DCHS2: variants seen among roughly 807,000 people sequenced by gnomAD.
DCHS2 encodes dachsous cadherin-related 2, also known as protocadherin-23.
Under a neutral mutation model 182.4 loss-of-function variants are expected in DCHS2, and 142 were observed. That is an observed-to-expected ratio of 0.78 (90% CI 0.68 to 0.89). The LOEUF is 0.89. DCHS2 is among the 40% of genes least tolerant of loss of function. The pLI is 0.00. For synonymous variants in DCHS2, 1,740 were observed against 1,663.3 expected (o/e 1.05, Z -1.12); for missense variants, 4,319 against 4,198.6 (o/e 1.03, Z -0.79).
At chr4:154,278,200 G>A (rs1031142798) in intron 13 of DCHS2, among the ~76,000 whole-genome samples, 4 of 152,036 alleles carry the variant, frequency 2.6e-5, no homozygotes, top group South Asian at 4.1e-4. Flanking sequence ...TTAAGGAGCT[G>A]AAGAACAAAA....
intron 13 of DCHS2, among the ~76,000 whole-genome samples, chr4:154,273,759 T>C (rs757992273): frequency 2.0e-5 from 3 of 149,938 alleles, no homozygotes; most frequent in African/African-American, 4.9e-5. Flanking sequence ...ATTTATGGCA[T>C]CTGTTTTACA....
At chr4:154,417,108 A>G (rs992424825) in intron 1 of DCHS2, among the ~76,000 whole-genome samples, 1 of 151,742 alleles carries the variant, frequency 6.6e-6, no homozygotes, top group Admixed American at 6.6e-5. Flanking sequence ...CGCGAATCAC[A>G]TGGCTAAAAC....
At chr4:154,400,731 T>A (rs1579048576) in intron 1 of DCHS2, among the ~76,000 whole-genome samples, 1 of 152,298 alleles carries the variant, frequency 6.6e-6, no homozygotes, top group East Asian at 1.9e-4. Flanking sequence ...GGTTTCACAC[T>A]CATGCTAGCT....
chr4:154,334,579 G>A (rs962005308), intron 4 of DCHS2: 12 of 297,382 alleles, frequency 4.0e-5, no homozygotes, highest in Non-Finnish European at 6.9e-5. Context: ...GTGTACATGT[G>A]TGTGTTTTTG....
At chr4:154,381,834 A>G (rs1731182507) in intron 1 of DCHS2, among the ~76,000 whole-genome samples, 1 of 152,210 alleles carries the variant, frequency 6.6e-6, no homozygotes, top group Admixed American at 6.6e-5. Flanking sequence ...TAGAAGAATC[A>G]ATATTGTTAA....
intron 1 of DCHS2, among the ~76,000 whole-genome samples, chr4:154,425,142 G>A (rs1377973394): frequency 6.6e-6 from 1 of 152,144 alleles, no homozygotes; most frequent in Non-Finnish European, 1.5e-5. Context: ...AGGATCTAGA[G>A]GGGTCTACCC....
chr4:154,243,289 G>T (rs1442353549), intron 16 of DCHS2, among the ~76,000 whole-genome samples: 3 of 152,144 alleles, frequency 2.0e-5, no homozygotes, highest in African/African-American at 4.8e-5. Context: ...CCGCTATGAT[G>T]AACACACTTA....
At chr4:154,454,578 C>A (rs1045332457) in intron 1 of DCHS2, among the ~76,000 whole-genome samples, 1 of 152,104 alleles carries the variant, frequency 6.6e-6, no homozygotes, top group Admixed American at 6.6e-5. Flanking sequence ...GTTTCGATAG[C>A]ACCCTGGGAA....
chr4:154,429,714 G>T (rs567120186), intron 1 of DCHS2, among the ~76,000 whole-genome samples: 1 of 151,526 alleles, frequency 6.6e-6, no homozygotes, highest in South Asian at 2.1e-4. Flanking sequence ...ATTAGATATG[G>T]TCTGTTTCCA....
intron 13 of DCHS2, 121 bp downstream of exon 13, chr4:154,297,730 C>G: frequency 7.0e-7 from 1 of 1,435,090 alleles, no homozygotes; most frequent in Non-Finnish European, 9.3e-7. Flanking sequence ...ATATCAAGAA[C>G]AGGCATTGAA....
chr4:154,265,914 AC>A (rs1733232276), intron 14 of DCHS2, among the ~76,000 whole-genome samples: 1 of 152,132 alleles, frequency 6.6e-6, no homozygotes, highest in Non-Finnish European at 1.5e-5. Flanking sequence ...ATGGTACCAA[AC>A]CCTATATATA....
intron 1 of DCHS2, among the ~76,000 whole-genome samples, chr4:154,480,277 G>T (rs965668636): frequency 6.6e-6 from 1 of 152,094 alleles, no homozygotes; most frequent in Non-Finnish European, 1.5e-5. Flanking sequence ...ATATTTAATC[G>T]CTTGAAATCA....
At chr4:154,461,873 G>C (rs1467556015) in intron 1 of DCHS2, among the ~76,000 whole-genome samples, 1 of 152,194 alleles carries the variant, frequency 6.6e-6, no homozygotes, top group African/African-American at 2.4e-5. Flanking sequence ...ACATTTGCAA[G>C]AGGAAGACTT....
intron 16 of DCHS2, among the ~76,000 whole-genome samples, chr4:154,252,704 T>A (rs1732439608): frequency 6.6e-6 from 1 of 151,958 alleles, no homozygotes; most frequent in Non-Finnish European, 1.5e-5. Flanking sequence ...TGTATATGTA[T>A]CCCATTTTCT....
chr4:154,369,745 T>C (rs75547445), intron 2 of DCHS2, among the ~76,000 whole-genome samples: 5,970 of 152,336 alleles, frequency 0.039, 155 homozygotes, highest in Middle Eastern at 0.061. Flanking sequence ...CTTTTTCCAC[T>C]GATGATTCAT....
At chr4:154,257,613 AG>A (rs1732755155) in intron 15 of DCHS2, among the ~76,000 whole-genome samples, 1 of 152,158 alleles carries the variant, frequency 6.6e-6, no homozygotes, top group South Asian at 2.1e-4. Context: ...GCATCAACAG[AG>A]GGTCAGACCC....
At chr4:154,238,390 T>G (rs1347943727) in intron 19 of DCHS2, among the ~76,000 whole-genome samples, 1 of 152,188 alleles carries the variant, frequency 6.6e-6, no homozygotes, top group African/African-American at 2.4e-5. Context: ...CAATGGTGGA[T>G]AGAGATGGGG....
intron 1 of DCHS2, among the ~76,000 whole-genome samples, chr4:154,404,013 T>C (rs1480321099): frequency 6.6e-6 from 1 of 152,124 alleles, no homozygotes; most frequent in Non-Finnish European, 1.5e-5. Flanking sequence ...ATCAATTTTA[T>C]TAGTATTTTC....
At chr4:154,471,172 A>G (rs1401858474) in intron 1 of DCHS2, among the ~76,000 whole-genome samples, 5 of 152,200 alleles carry the variant, frequency 3.3e-5, no homozygotes, top group Non-Finnish European at 1.5e-5. Context: ...CTTGCTTAAA[A>G]TCACACATTA....
Sources: allele counts gnomAD v4.1 joint callset (sites outside exome capture counted in the v4.1 genomes callset), GRCh38; gene constraint gnomAD v4.1.1; transcripts MANE v1.5; gene names NCBI Gene and HGNC (gene_info 2026-07-23, HGNC 2026-07-21).